The following PIBF1 variants were observed in gnomAD, a reference collection of about 807,000 sequenced individuals.
PIBF1 encodes the protein progesterone-induced-blocking factor 1.
PIBF1 carries 90 observed loss-of-function variants against 112.5 expected under a neutral mutation model. The observed-to-expected ratio is 0.80, with a 90% CI of 0.67 to 0.95. PIBF1 has a LOEUF of 0.95. Ranked by LOEUF, PIBF1 falls within the 40% of genes least tolerant of loss-of-function variation. The probability of loss-of-function intolerance (pLI) is 0.00; values close to 1 mark genes in which losing one functional copy is unlikely to be tolerated. For synonymous variants in PIBF1, 301 were observed against 288.6 expected, an observed-to-expected ratio of 1.04 and a Z score of -0.44; for missense variants, 915 against 852.3, an observed-to-expected ratio of 1.07 and a Z score of -0.92.
intron 16 of PIBF1, among the ~76,000 whole-genome samples, chr13:72,997,387 A>G (rs2043712481): frequency 6.6e-6 from 1 of 152,212 alleles, no homozygotes; most frequent in South Asian, 2.1e-4. Context: ...GAGTCCCCAA[A>G]TGGCCCAGAT....
chr13:72,936,188 C>A (rs2041868491), intron 14 of PIBF1, among the ~76,000 whole-genome samples: 2 of 151,912 alleles, frequency 1.3e-5, no homozygotes, highest in Admixed American at 1.3e-4. Context: ...TTACCTGCAA[C>A]CACACCTGGC....
chr13:72,824,099 T>C lies in PIBF1; in HGVS notation c.806+2117T>C, dbSNP rs192822771. Reference sequence around the variant, plus strand: ...CACGATCTCGGCTCACTGCAACCTCTGCCTCCCAGGTTCAAACAATTCTCC... The same window carrying C: ...CACGATCTCGGCTCACTGCAACCTCCGCCTCCCAGGTTCAAACAATTCTCC... On this transcript the variant is annotated intron_variant, in intron 6 of 17. Coordinates refer to ENST00000326291, the MANE Select transcript of PIBF1 (RefSeq NM_006346.4). Among the ~76,000 whole-genome samples, 63 of 152,070 alleles carry C rather than the reference T, an allele frequency of 4.1e-4. No homozygotes were observed. The East Asian group carries it at 9.9e-3, about 24-fold the overall frequency.
At chr13:72,960,182 G>A (rs1329631392) in intron 14 of PIBF1, among the ~76,000 whole-genome samples, 1 of 152,232 alleles carries the variant, frequency 6.6e-6, no homozygotes, top group East Asian at 1.9e-4. Context: ...CCAGAGTAAG[G>A]CGGTTATAGG....
intron 4 of PIBF1, 66 bp from the exon 5 acceptor site, chr13:72,797,841 C>CTACAAAT: frequency 7.6e-7 from 1 of 1,315,840 alleles, no homozygotes; most frequent in Admixed American, 2.3e-5. Context: ...AGTGAGAGCA[C>CTACAAAT]TACAAATTAC....
intron 9 of PIBF1, among the ~76,000 whole-genome samples, chr13:72,845,295 T>G (rs924619450): frequency 6.6e-6 from 1 of 152,196 alleles, no homozygotes; most frequent in African/African-American, 2.4e-5. Flanking sequence ...TTCGTATCCA[T>G]GTCCCTGCAA....
chr13:72,906,996 T>C (rs1056373464), intron 11 of PIBF1, among the ~76,000 whole-genome samples: 1 of 152,108 alleles, frequency 6.6e-6, no homozygotes, highest in Non-Finnish European at 1.5e-5. Flanking sequence ...GAGTAATGAT[T>C]TTTTTATAAT....
chr13:72,862,379 G>A (rs934764337), intron 10 of PIBF1, among the ~76,000 whole-genome samples: 3 of 152,224 alleles, frequency 2.0e-5, no homozygotes, highest in Non-Finnish European at 2.9e-5. Flanking sequence ...TGAGGCAAGA[G>A]AATCGCTAAA....
rs2042391104 is a variant in PIBF1 at position 72,954,663 on chromosome 13, G to A, written c.1834-10611G>A. Among the ~76,000 whole-genome samples the A allele has an allele frequency of 2.6e-5, 4 of 152,360 alleles. No homozygotes were observed. In the South Asian group the frequency reaches 8.3e-4, roughly 32 times the overall value. On this transcript the variant is annotated intron_variant, in intron 14 of 17. Coordinates refer to ENST00000326291, the MANE Select transcript of PIBF1 (RefSeq NM_006346.4). ...TGGGCTGCCCAGCTTTGCTGTGGGA[G>A]TGTGTGTTCTGGTGGCTGAGTCTCC...
chr13:72,847,567 A>G (rs1236686971), intron 9 of PIBF1, among the ~76,000 whole-genome samples: 1 of 152,214 alleles, frequency 6.6e-6, no homozygotes, highest in Non-Finnish European at 1.5e-5. Context: ...TGGAAGTTAA[A>G]TTTCAACATG....
At chr13:72,927,901 T>C (rs2041541009) in intron 13 of PIBF1, among the ~76,000 whole-genome samples, 1 of 146,890 alleles carries the variant, frequency 6.8e-6, no homozygotes, top group Admixed American at 6.9e-5. Flanking sequence ...AAATGGGTCT[T>C]TTAGGGCAAC....
chr13:72,809,132 CTTTTTTTTTTTT>C (rs35219701), intron 5 of PIBF1, among the ~76,000 whole-genome samples: 1 of 74,854 alleles, frequency 1.3e-5, no homozygotes, highest in African/African-American at 6.2e-5. Flanking sequence ...GTATATGTCC[CTTTTTTTTTTTT>C]TTTTTTTTTT....
intron 9 of PIBF1, among the ~76,000 whole-genome samples, chr13:72,842,651 GTCA>G (rs1227671243): frequency 1.3e-5 from 2 of 152,158 alleles, no homozygotes; most frequent in Non-Finnish European, 2.9e-5. Context: ...AGAGGTTCCA[GTCA>G]TCATTTTAAA....
chr13:72,827,778 G>T lies in PIBF1; in HGVS notation c.961G>T (p.Glu321Ter). 1.2e-6 allele frequency: 2 copies of T among 1,600,602 alleles called. No homozygotes were observed. Among genetic ancestry groups the T allele is most frequent in the Non-Finnish European group, 1.7e-6 (2 of 1,173,670 alleles). The change falls in exon 8 of 18, where the codon GAA (glutamate) becomes TAA (stop). Residue 321 changes from glutamate (E) to a stop codon, truncating the protein, a stop_gained. Transcript: ENST00000326291. LOFTEE classifies it high-confidence loss of function. ...QTVTLLQKDK[E>*]YLNRQNMELS... ...TGTTACTTTACTGCAAAAGGATAAA[G>T]AATATCTTAATCGCCAAAACATGGA...
intron 10 of PIBF1, among the ~76,000 whole-genome samples, chr13:72,870,649 T>C (rs1156497890): frequency 6.6e-6 from 1 of 152,096 alleles, no homozygotes; most frequent in Non-Finnish European, 1.5e-5. Context: ...AGCAAAATTT[T>C]ATATATGTTA....
chr13:72,975,351 G>A (rs1446912101), intron 16 of PIBF1, among the ~76,000 whole-genome samples: 5 of 152,022 alleles, frequency 3.3e-5, no homozygotes, highest in South Asian at 2.1e-4. Flanking sequence ...CACCGCGCCC[G>A]ACCAGAAAAC....
intron 17 of PIBF1, among the ~76,000 whole-genome samples, chr13:73,002,434 T>TC (rs1159420966): frequency 6.6e-6 from 1 of 152,164 alleles, no homozygotes; most frequent in African/African-American, 2.4e-5. Flanking sequence ...TGCTGTGCTA[T>TC]CCCTTTTTTC....
At position 72,882,859 on chromosome 13, in the gene PIBF1, C is replaced by A. The variant is rs561747554; in HGVS notation, c.1323-10925C>A. 9.2e-5 allele frequency among the ~76,000 whole-genome samples: 14 copies of A among 152,284 alleles called. No homozygotes were observed. In the East Asian group the frequency reaches 2.1e-3, roughly 23 times the overall value. On this transcript the variant is annotated intron_variant, in intron 10 of 17. Coordinates refer to ENST00000326291, the MANE Select transcript of PIBF1 (RefSeq NM_006346.4). ...TTGGTGGGAATGTAACTTAGTACAA[C>A]CACTATGGAGAACAGTTTGGAGGTT...
At chr13:72,856,611 T>C (rs2038433693) in intron 10 of PIBF1, among the ~76,000 whole-genome samples, 1 of 152,104 alleles carries the variant, frequency 6.6e-6, no homozygotes, top group African/African-American at 2.4e-5. Context: ...GAGAATAATA[T>C]CTGGGAATGT....
intron 16 of PIBF1, chr13:72,974,215 T>C (rs1473730016): frequency 6.6e-6 from 1 of 152,560 alleles, no homozygotes; most frequent in African/African-American, 2.4e-5. Context: ...TATTGAGTTA[T>C]AATCTACAAA....
Sources: allele counts gnomAD v4.1 joint callset (sites outside exome capture counted in the v4.1 genomes callset), GRCh38; gene constraint gnomAD v4.1.1; transcripts MANE v1.5; gene names NCBI Gene and HGNC (gene_info 2026-07-23, HGNC 2026-07-21).